CYFIP2: variants seen among roughly 807,000 people sequenced by gnomAD.
CYFIP2 encodes the protein cytoplasmic FMR1-interacting protein 2.
In CYFIP2, 29 loss-of-function variants were observed where a neutral mutation model predicts 158.7. The ratio of observed to expected loss-of-function variants is 0.18; its 90% CI spans 0.14 to 0.25. CYFIP2 has a LOEUF of 0.25. Among genes scored for constraint, CYFIP2 ranks in the 10% least tolerant of loss-of-function variants. CYFIP2 has a pLI of 1.00. For missense variants in CYFIP2, 852 were observed against 1,639.5 expected (o/e 0.52, Z 8.29); for synonymous variants, 585 against 617.6 (o/e 0.95, Z 0.78).
chr5:157,316,627 A>G (rs925991813), intron 13 of CYFIP2, among the ~76,000 whole-genome samples: 3 of 152,172 alleles, frequency 2.0e-5, no homozygotes, highest in African/African-American at 7.2e-5. Flanking sequence ...CCTACAAGAG[A>G]CGAATCTAGA....
intron 26 of CYFIP2, chr5:157,364,342 C>T (rs546296112): frequency 4.0e-5 from 6 of 151,890 alleles, no homozygotes; most frequent in Non-Finnish European, 7.4e-5. Context: ...TGATGGGGGC[C>T]GCAAGGAAAG....
chr5:157,312,224 T>C (rs1759783860), intron 11 of CYFIP2, among the ~76,000 whole-genome samples: 1 of 151,916 alleles, frequency 6.6e-6, no homozygotes, highest in Non-Finnish European at 1.5e-5. Flanking sequence ...TAAATGATCA[T>C]TGTAAAAAAA....
intron 11 of CYFIP2, among the ~76,000 whole-genome samples, chr5:157,312,117 C>T (rs975163532): frequency 5.9e-5 from 9 of 152,086 alleles, no homozygotes; most frequent in African/African-American, 2.2e-4. Flanking sequence ...TCTGCCTGTA[C>T]ATGATAAGTG....
intron 26 of CYFIP2, among the ~76,000 whole-genome samples, chr5:157,366,067 A>T (rs983859224): frequency 6.6e-6 from 1 of 152,200 alleles, no homozygotes; most frequent in Admixed American, 6.5e-5. Context: ...GTACCAATTT[A>T]TACTCCCATT....
intron 12 of CYFIP2, 31 bp downstream of exon 12, chr5:157,314,494 T>C: frequency 1.2e-6 from 2 of 1,600,714 alleles, no homozygotes; most frequent in Non-Finnish European, 1.7e-6. Context: ...GGCCTCACAC[T>C]GACCTCTCTT....
intron 23 of CYFIP2, among the ~76,000 whole-genome samples, chr5:157,358,713 G>A (rs1457837410): frequency 1.2e-4 from 19 of 152,210 alleles, no homozygotes; most frequent in Non-Finnish European, 2.9e-5. Context: ...CCTGGTTTGG[G>A]TGTGGAACGT....
Position 157,389,115 on chromosome 5 carries a change from G to T in CYFIP2, c.3208-74G>T, listed in dbSNP as rs1336489901. 4 of 1,428,330 alleles carry T rather than the reference G, an allele frequency of 2.8e-6. No homozygotes were observed. In the East Asian group the frequency reaches 9.5e-5, roughly 34 times the overall value. 88.5% of individuals were successfully genotyped at this position (1,428,330 alleles called of 1,614,324 possible). A position where few individuals can be genotyped will look rare whatever the true frequency, so the allele number is the denominator to read the frequency against. ...TCAGGTGCAGCCAGCTCCAGAGTTC[G>T]GGAATCTGTGGTGGGAGGTGGCAGA... On this transcript the variant is annotated intron_variant, in intron 28 of 30. Transcript: ENST00000620254.
At chr5:157,333,519 T>C in intron 21 of CYFIP2, 73 bp downstream of exon 21, 1 of 1,605,124 alleles carries the variant, frequency 6.2e-7, no homozygotes, top group Non-Finnish European at 8.5e-7. Flanking sequence ...GGGACTGTAG[T>C]TAGTCTAGTG....
rs377648376 is a variant in CYFIP2, at chr5:157,339,115, T to G, written c.2444T>G (p.Met815Arg). ...RLTHRLLCKH[M>R]TLDSFDAMFR... ...ACGCATCGGCTGCTCTGTAAGCATA[T>G]GACGCTGGACAGCTTCGATGCCATG... Residue 815 changes from methionine to arginine, a missense_variant, in exon 22 of 31, where the codon ATG becomes AGG. Coordinates refer to ENST00000620254, the MANE Select transcript of CYFIP2 (RefSeq NM_001037333.3). 7 of 1,613,884 alleles carry G rather than the reference T, an allele frequency of 4.3e-6. No individual in the cohort carries two copies. The African/African-American group carries it at 9.3e-5, about 22-fold the overall frequency.
rs945908759 is a variant in CYFIP2 at position 157,361,389 on chromosome 5, C to T, written c.2909-79C>T. 25 of 1,590,996 alleles carry T rather than the reference C, an allele frequency of 1.6e-5. No homozygotes were observed. Among genetic ancestry groups the T allele is most frequent in the Non-Finnish European group, 2.0e-5 (23 of 1,164,432 alleles). ...TGCTATCCCAGAGTCAGGTCTGGGG[C>T]TGCCACTCAGTCATTGTTTCCCATA... is the stretch of plus-strand genomic sequence containing the variant. On this transcript the variant is annotated intron_variant, in intron 25 of 30. Transcript: ENST00000620254. The surrounding 1 kb of genome is among the most constrained non-coding windows in gnomAD (Gnocchi z 4.4).
rs1159794405 is a variant in CYFIP2, at chr5:157,361,470, A to G, written c.2911A>G (p.Ile971Val). 1 of 1,613,980 alleles carries G rather than the reference A, an allele frequency of 6.2e-7. No homozygotes were observed. Residue 971 changes from isoleucine to valine, a missense_variant and splice_region_variant, in exon 26 of 31, where the codon ATC becomes GTC. Around this residue, in one of 8 missense-constraint regions of CYFIP2, gnomAD observed 223 missense variants for 381.6 expected, o/e 0.58. Coordinates refer to ENST00000620254, the MANE Select transcript of CYFIP2 (RefSeq NM_001037333.3). This position sits in a 1 kb window ranked among gnomAD's most constrained non-coding sequence, Gnocchi z 4.4. ...LPRHEYGSPG[I>V]LEFFHHQLKD... ...GACCACCCCGATTCACCTCCCAGGG[A>G]TCCTGGAGTTCTTCCACCACCAGCT...
intron 26 of CYFIP2, among the ~76,000 whole-genome samples, chr5:157,375,226 A>C (rs1053716163): frequency 2.0e-5 from 3 of 152,232 alleles, no homozygotes; most frequent in African/African-American, 7.2e-5. Context: ...CTTTGGCAGC[A>C]AGGCAATCCT....
intron 21 of CYFIP2, among the ~76,000 whole-genome samples, chr5:157,335,055 G>C (rs1212447446): frequency 6.6e-6 from 1 of 152,140 alleles, no homozygotes; most frequent in Non-Finnish European, 1.5e-5. Flanking sequence ...ATTTTAAGTG[G>C]ACAAAGTATA....
chr5:157,390,689 G>A, intron 30 of CYFIP2, 21 bp downstream of exon 30: 2 of 1,576,002 alleles, frequency 1.3e-6, no homozygotes, highest in East Asian at 4.6e-5. Flanking sequence ...TGGTGGCTAA[G>A]GCCTGGGAGG....
chr5:157,290,790 GT>G (rs1757763372), intron 3 of CYFIP2, among the ~76,000 whole-genome samples: 5 of 152,218 alleles, frequency 3.3e-5, no homozygotes, highest in Non-Finnish European at 7.3e-5. Context: ...TAGCAGCAAT[GT>G]GGGTGTATGA....
intron 5 of CYFIP2, among the ~76,000 whole-genome samples, chr5:157,299,715 A>T (rs1758580473): frequency 6.6e-6 from 1 of 152,178 alleles, no homozygotes; most frequent in African/African-American, 2.4e-5. Flanking sequence ...AGCCTGGCCA[A>T]CATGGTGAAA....
intron 1 of CYFIP2, among the ~76,000 whole-genome samples, chr5:157,279,972 G>A (rs779504523): frequency 1.3e-5 from 2 of 152,110 alleles, no homozygotes; most frequent in South Asian, 2.1e-4. Context: ...TAAAAATGTC[G>A]GATTTCCTTC....
chr5:157,350,597 T>C (rs915590865), intron 23 of CYFIP2, among the ~76,000 whole-genome samples: 3 of 152,252 alleles, frequency 2.0e-5, no homozygotes, highest in African/African-American at 7.2e-5. Flanking sequence ...AGCCTTGCTT[T>C]GGCTGTGTGG....
intron 1 of CYFIP2, among the ~76,000 whole-genome samples, chr5:157,281,157 C>T (rs1202203036): frequency 6.6e-6 from 1 of 152,090 alleles, no homozygotes; most frequent in Non-Finnish European, 1.5e-5. Flanking sequence ...TTTTTCTGCC[C>T]TCTTATATTT....
Sources: allele counts gnomAD v4.1 joint callset (sites outside exome capture counted in the v4.1 genomes callset), GRCh38; gene constraint gnomAD v4.1.1; regional missense constraint gnomAD v4.1.1; non-coding constraint Gnocchi (gnomAD v3.1); transcripts MANE v1.5; gene names NCBI Gene and HGNC (gene_info 2026-07-23, HGNC 2026-07-21).